Variants in NBEA observed in about 807,000 individuals in gnomAD.
NBEA encodes the protein neurobeachin.
A neutral mutation model predicts 343.4 loss-of-function variants in NBEA; 44 were observed. That is an observed-to-expected ratio of 0.13 (90% CI 0.10 to 0.16). NBEA has a LOEUF of 0.16. NBEA is among the 10% of genes least tolerant of loss of function. The pLI is 1.00. For synonymous variants in NBEA, 1,175 were observed against 1,238.7 expected, an observed-to-expected ratio of 0.95 and a Z score of 1.08; for missense variants, 2,555 against 3,631.3, an observed-to-expected ratio of 0.70 and a Z score of 7.62.
Position 35,440,650 on chromosome 13 carries a change from T to C in NBEA, c.6304+8257T>C, listed in dbSNP as rs73502782. Among the ~76,000 whole-genome samples the C allele has an allele frequency of 7.6e-3, 1,162 of 152,228 alleles. 21 individuals carry two copies. Among genetic ancestry groups the C allele is most frequent in the African/African-American group, 0.026 (1,092 of 41,536 alleles). On this transcript the variant is annotated intron_variant, in intron 39 of 58. Coordinates refer to ENST00000379939, the MANE Select transcript of NBEA (RefSeq NM_001385012.1). ...AACACAGGATAGTGTGGGGAAATGGTATGAAGATGAGGCTGAAACACAGTT... is the reference window on the plus strand; with the variant it reads ...AACACAGGATAGTGTGGGGAAATGGCATGAAGATGAGGCTGAAACACAGTT...
rs1358431656 is a variant in NBEA, at chr13:35,606,477, G to A, written c.7348G>A (p.Gly2450Arg). 4 of 1,596,626 alleles carry A rather than the reference G, an allele frequency of 2.5e-6. No individual in the cohort carries two copies. Among genetic ancestry groups the A allele is most frequent in the South Asian group, 2.3e-5 (2 of 88,258 alleles). Residue 2450 changes from glycine (G) to arginine (R), a missense_variant, in exon 48 of 59, where the codon GGA becomes AGA. Transcript: ENST00000379939. ...ACCAGAGATGTTTGTCAACAGTAAT[G>A]GATATAATCTTGGAGTCAGAGAAGA... ...YLPEMFVNSN[G>R]YNLGVREDEV...
At chr13:35,342,244 A>G (rs953829620) in intron 36 of NBEA, among the ~76,000 whole-genome samples, 8 of 152,234 alleles carry the variant, frequency 5.3e-5, no homozygotes, top group East Asian at 1.9e-4. Context: ...GGATTTTTGC[A>G]GAATGATAAA....
At chr13:35,060,709 A>G (rs1013373387) in intron 8 of NBEA, among the ~76,000 whole-genome samples, 4 of 127,088 alleles carry the variant, frequency 3.1e-5, no homozygotes, top group African/African-American at 1.0e-4. Context: ...TTTTATATTA[A>G]AAAGCTTTTT....
intron 24 of NBEA, among the ~76,000 whole-genome samples, chr13:35,166,578 C>T (rs560184155): frequency 1.3e-5 from 2 of 152,190 alleles, no homozygotes; most frequent in South Asian, 2.1e-4. Flanking sequence ...CTGTTTGGAC[C>T]TATGCCTGGT....
chr13:35,420,661 A>C (rs775890723), intron 38 of NBEA, among the ~76,000 whole-genome samples: 4 of 152,034 alleles, frequency 2.6e-5, no homozygotes, highest in Non-Finnish European at 5.9e-5. Flanking sequence ...GGGAAAGAGG[A>C]GTAAACATCT....
intron 41 of NBEA, among the ~76,000 whole-genome samples, chr13:35,543,361 C>T (rs1164211918): frequency 6.6e-6 from 1 of 152,090 alleles, no homozygotes; most frequent in Non-Finnish European, 1.5e-5. Flanking sequence ...GTATTATAGA[C>T]AGTGTTATTC....
At position 35,309,450 on chromosome 13, in the gene NBEA, T is replaced by C. The variant is rs989299657; in HGVS notation, c.5839-78T>C. 3 of 735,732 alleles carry C rather than the reference T, an allele frequency of 4.1e-6. No homozygotes were observed. In the African/African-American group the frequency reaches 5.5e-5, roughly 13 times the overall value. The allele number at this position is 735,732 out of a possible 1,614,324, so 45.6% of individuals were successfully genotyped here. A position where few individuals can be genotyped will look rare whatever the true frequency, so the allele number is the denominator to read the frequency against. On this transcript the variant is annotated intron_variant, in intron 35 of 58. Coordinates refer to ENST00000379939, the MANE Select transcript of NBEA (RefSeq NM_001385012.1). ...TATAATGTGGAAGTTATTAACAATA[T>C]CAACATGATCCTTAAACCAGAAGTT...
chr13:35,071,237 A>G (rs2063857582), intron 10 of NBEA, among the ~76,000 whole-genome samples: 2 of 152,130 alleles, frequency 1.3e-5, no homozygotes, highest in African/African-American at 4.8e-5. Context: ...CAGAAGAATA[A>G]CATTTATTAG....
intron 1 of NBEA, among the ~76,000 whole-genome samples, chr13:35,021,151 G>A (rs2061824967): frequency 6.6e-6 from 1 of 151,588 alleles, no homozygotes; most frequent in South Asian, 2.1e-4. Context: ...TTATTTTTGT[G>A]TCATGGGCTG....
Position 35,031,607 on chromosome 13 carries a change from AT to A in NBEA, c.295-9324del. On this transcript the variant is annotated intron_variant, in intron 1 of 58. Transcript: ENST00000379939. The stretch of plus-strand genomic sequence containing the variant: ...CCATTGTGCCTAAGTACTTAACTCA[AT>A]TATCTCATTTCATGCTCCCAACAAT... 3.3e-5 allele frequency among the ~76,000 whole-genome samples: 5 copies of A among 151,574 alleles called. No individual in the cohort carries two copies. The South Asian group carries it at 1.0e-3, about 31-fold the overall frequency.
At chr13:35,293,674 T>C (rs1231550089) in intron 35 of NBEA, among the ~76,000 whole-genome samples, 2 of 152,046 alleles carry the variant, frequency 1.3e-5, no homozygotes, top group Non-Finnish European at 2.9e-5. Flanking sequence ...ACATTATTTT[T>C]ACTGTATTGT....
intron 1 of NBEA, among the ~76,000 whole-genome samples, chr13:34,966,005 A>G (rs1214653711): frequency 6.6e-6 from 1 of 152,084 alleles, no homozygotes; most frequent in African/African-American, 2.4e-5. Flanking sequence ...CATTAAAGGT[A>G]TACATCAATT....
At position 35,110,869 on chromosome 13, in the gene NBEA, C is replaced by G. The variant is rs1481430382; in HGVS notation, c.1893C>G (p.Tyr631Ter). 1 of 1,612,350 alleles carries G rather than the reference C, an allele frequency of 6.2e-7. No individual in the cohort carries two copies. Among genetic ancestry groups the G allele is most frequent in the Non-Finnish European group, 8.5e-7 (1 of 1,178,772 alleles). ...AATTTATTGGAACTGCTACCATCTA[C>G]ACCACCATACGCAGAGTAGGAACAG... is the stretch of plus-strand genomic sequence containing the variant. ...SAEFIGTATI[Y>*]TTIRRVGTVL... is the part of the protein sequence containing the mutation. Residue 631 changes from tyrosine to a stop codon, truncating the protein, a stop_gained, in exon 13 of 59, where the codon TAC (tyrosine) becomes TAG (stop). Coordinates refer to ENST00000379939, the MANE Select transcript of NBEA (RefSeq NM_001385012.1). LOFTEE classifies it high-confidence loss of function.
At chr13:35,530,775 T>C (rs2078224924) in intron 41 of NBEA, among the ~76,000 whole-genome samples, 1 of 152,212 alleles carries the variant, frequency 6.6e-6, no homozygotes, top group Non-Finnish European at 1.5e-5. Context: ...TTGGGACTTG[T>C]GATAAGCCAA....
At chr13:35,410,723 A>G (rs971109455) in intron 38 of NBEA, among the ~76,000 whole-genome samples, 1 of 152,158 alleles carries the variant, frequency 6.6e-6, no homozygotes, top group Non-Finnish European at 1.5e-5. Flanking sequence ...TTAACTGAAG[A>G]AAAGGGTACC....
intron 48 of NBEA, among the ~76,000 whole-genome samples, chr13:35,614,237 GT>G (rs2082639572): frequency 6.6e-6 from 1 of 151,998 alleles, no homozygotes; most frequent in Admixed American, 6.6e-5. Context: ...TTGTATTATG[GT>G]TATCTTTCTA....
chr13:35,362,017 TCAGA>T (rs2152875272), intron 38 of NBEA, among the ~76,000 whole-genome samples: 1 of 152,034 alleles, frequency 6.6e-6, no homozygotes, highest in Admixed American at 6.6e-5. Context: ...CAATTGTAAG[TCAGA>T]ATGTGAATTT....
chr13:35,460,379 C>T (rs538923569), intron 40 of NBEA, among the ~76,000 whole-genome samples: 2 of 152,308 alleles, frequency 1.3e-5, no homozygotes, highest in African/African-American at 2.4e-5. Flanking sequence ...AAAGGATTCA[C>T]ATTCAGCTTC....
At chr13:35,514,293 T>C (rs1322433684) in intron 41 of NBEA, among the ~76,000 whole-genome samples, 1 of 152,236 alleles carries the variant, frequency 6.6e-6, no homozygotes, top group Admixed American at 6.5e-5. Context: ...GGTTTTGTTT[T>C]TTAGCTGCCT....
Sources: gnomAD v4.1 joint callset for allele counts (sites outside exome capture counted in the v4.1 genomes callset) on GRCh38, gnomAD v4.1.1 for gene constraint, MANE v1.5 for transcripts, NCBI Gene and HGNC (gene_info 2026-07-23, HGNC 2026-07-21) for gene names.